Variants in BMP6 observed in about 807,000 individuals in gnomAD.
BMP6 encodes bone morphogenetic protein 6.
In BMP6, 17 loss-of-function variants were observed where a neutral mutation model predicts 54.1. The ratio of observed to expected loss-of-function variants is 0.31; its 90% CI spans 0.22 to 0.47. The LOEUF is 0.47. Ranked by LOEUF, BMP6 falls within the 20% of genes least tolerant of loss-of-function variation. BMP6 has a pLI of 1.00. For synonymous variants in BMP6, 328 were observed against 291.2 expected (o/e 1.13, Z -1.28); for missense variants, 720 against 690.4 (o/e 1.04, Z -0.48).
intron 4 of BMP6, among the ~76,000 whole-genome samples, chr6:7,862,702 T>G (rs1759356368): frequency 6.6e-6 from 1 of 152,222 alleles, no homozygotes; most frequent in Non-Finnish European, 1.5e-5. Context: ...ACTTGTTACC[T>G]GAAGACTCAG....
Position 7,880,601 on chromosome 6 carries a change from T to TA in BMP6, c.*260dup, listed in dbSNP as rs1421727175. On this transcript the variant is annotated 3_prime_UTR_variant, in exon 7 of 7. Coordinates refer to ENST00000283147, the MANE Select transcript of BMP6 (RefSeq NM_001718.6). ...ATAAGGTCTGGTAACTGCAGAAACA[T>TA]AACCGTGAAGCTCTTCCTACCCTCC... 4 of 500,052 alleles carry TA rather than the reference T, an allele frequency of 8.0e-6. No individual in the cohort carries two copies. The highest frequency in any genetic ancestry group is 1.1e-5 in the Non-Finnish European group (3 of 281,290). The allele number at this position is 500,052 out of a possible 1,614,324, so 31.0% of individuals were successfully genotyped here.
At chr6:7,871,924 T>C (rs564330184) in intron 4 of BMP6, among the ~76,000 whole-genome samples, 1 of 148,544 alleles carries the variant, frequency 6.7e-6, no homozygotes, top group African/African-American at 2.5e-5. Context: ...CCCCGCACTT[T>C]AGAGAAACTC....
At chr6:7,798,044 C>T (rs1265624357) in intron 1 of BMP6, among the ~76,000 whole-genome samples, 1 of 152,204 alleles carries the variant, frequency 6.6e-6, no homozygotes, top group Non-Finnish European at 1.5e-5. Flanking sequence ...TTCCCTTAAG[C>T]TAAATATGCT....
intron 4 of BMP6, among the ~76,000 whole-genome samples, chr6:7,868,465 G>C (rs1465734823): frequency 3.3e-5 from 5 of 152,214 alleles, no homozygotes; most frequent in Non-Finnish European, 5.9e-5. Flanking sequence ...TGGGCGAGTG[G>C]GAGCGAGAGG....
At chr6:7,851,550 T>C (rs1215081815) in intron 2 of BMP6, among the ~76,000 whole-genome samples, 1 of 152,182 alleles carries the variant, frequency 6.6e-6, no homozygotes, top group Non-Finnish European at 1.5e-5. Flanking sequence ...TTTTTCCTTT[T>C]CAATTCTATT....
chr6:7,866,420 C>CT (rs1759424717), intron 4 of BMP6, among the ~76,000 whole-genome samples: 1 of 152,228 alleles, frequency 6.6e-6, no homozygotes, highest in African/African-American at 2.4e-5. Flanking sequence ...CATTCACTCT[C>CT]TTTTATGGTA....
At chr6:7,828,560 T>TCCAGG (rs768575499) in intron 1 of BMP6, among the ~76,000 whole-genome samples, 16 of 152,208 alleles carry the variant, frequency 1.1e-4, no homozygotes, top group Non-Finnish European at 1.9e-4. Context: ...CCTTGCTGCT[T>TCCAGG]CCAGGCCAGG....
At chr6:7,863,554 T>C (rs1349972788) in intron 4 of BMP6, among the ~76,000 whole-genome samples, 2 of 152,138 alleles carry the variant, frequency 1.3e-5, no homozygotes. Flanking sequence ...TCCTCCAACC[T>C]GAAGCACACT....
chr6:7,840,527 T>C (rs1342146981), intron 1 of BMP6, among the ~76,000 whole-genome samples: 1 of 152,170 alleles, frequency 6.6e-6, no homozygotes, highest in Non-Finnish European at 1.5e-5. Context: ...TCCTATGTGT[T>C]GGCCAAAGGT....
chr6:7,811,587 G>A (rs1199556824), intron 1 of BMP6, among the ~76,000 whole-genome samples: 1 of 152,154 alleles, frequency 6.6e-6, no homozygotes, highest in African/African-American at 2.4e-5. Context: ...TGTTTATGAA[G>A]CACTTTCCGT....
intron 1 of BMP6, among the ~76,000 whole-genome samples, chr6:7,761,444 A>T (rs777475972): frequency 2.6e-5 from 4 of 152,228 alleles, no homozygotes; most frequent in African/African-American, 9.6e-5. Context: ...TGTAAGATTG[A>T]GAAGGACACA....
chr6:7,780,514 A>G (rs1581244730), intron 1 of BMP6, among the ~76,000 whole-genome samples: 1 of 151,060 alleles, frequency 6.6e-6, no homozygotes, highest in Non-Finnish European at 1.5e-5. Flanking sequence ...GCGCCATTGC[A>G]CTCCAGCCTG....
At chr6:7,728,033 TC>T (rs1425705934) in intron 1 of BMP6, among the ~76,000 whole-genome samples, 1 of 152,044 alleles carries the variant, frequency 6.6e-6, no homozygotes, top group Non-Finnish European at 1.5e-5. Flanking sequence ...AGTACGATTT[TC>T]CCCTCTAAAC....
chr6:7,847,002 G>T (rs577296765), intron 2 of BMP6, among the ~76,000 whole-genome samples: 1 of 152,114 alleles, frequency 6.6e-6, no homozygotes, highest in Non-Finnish European at 1.5e-5. Context: ...TAAGTGACTG[G>T]CATTTAAAAA....
intron 1 of BMP6, among the ~76,000 whole-genome samples, chr6:7,800,133 A>G (rs1202180929): frequency 6.6e-6 from 1 of 150,876 alleles, no homozygotes; most frequent in Non-Finnish European, 1.5e-5. Context: ...ATCTAAAAGA[A>G]GCCACCCTGG....
At chr6:7,749,558 A>T (rs1317927538) in intron 1 of BMP6, among the ~76,000 whole-genome samples, 7 of 152,220 alleles carry the variant, frequency 4.6e-5, no homozygotes, top group African/African-American at 1.7e-4. Flanking sequence ...GCCTGTTGTC[A>T]TGGGAGCCAG....
rs746292268 is a variant in BMP6 at position 7,833,614 on chromosome 6, G to GAGTAGCAC, written c.665-11523_665-11516dup. On this transcript the variant is annotated intron_variant, in intron 1 of 6. Transcript: ENST00000283147. The stretch of plus-strand genomic sequence containing the variant: ...CTATGATAGGTGAGATCATAAAACT[G>GAGTAGCAC]AGTAGCACAGGGAAGCCACTTCACT... Among the ~76,000 whole-genome samples the GAGTAGCAC allele has an allele frequency of 8.0e-4, 122 of 152,230 alleles. 2 individuals are homozygous for GAGTAGCAC. Among genetic ancestry groups the GAGTAGCAC allele is most frequent in the Non-Finnish European group, 2.1e-4 (14 of 68,036 alleles).
At chr6:7,838,296 T>G (rs1036337953) in intron 1 of BMP6, among the ~76,000 whole-genome samples, 1 of 152,132 alleles carries the variant, frequency 6.6e-6, no homozygotes, top group African/African-American at 2.4e-5. Flanking sequence ...AGAAACATAG[T>G]GCATATAGGG....
At chr6:7,769,234 A>G (rs1204501405) in intron 1 of BMP6, among the ~76,000 whole-genome samples, 1 of 152,240 alleles carries the variant, frequency 6.6e-6, no homozygotes, top group Non-Finnish European at 1.5e-5. Context: ...TACACCGATC[A>G]GCTCTTCAGA....
Sources: allele counts gnomAD v4.1 joint callset (sites outside exome capture counted in the v4.1 genomes callset), GRCh38; gene constraint gnomAD v4.1.1; transcripts MANE v1.5; gene names NCBI Gene and HGNC (gene_info 2026-07-23, HGNC 2026-07-21).